HELB: variants seen among roughly 807,000 people sequenced by gnomAD.
HELB encodes the protein DNA 5'-3' helicase B.
A neutral mutation model predicts 101.7 loss-of-function variants in HELB; 96 were observed. That is an observed-to-expected ratio of 0.94 (90% CI 0.80 to 1.12). The LOEUF is 1.12. Among genes scored for constraint, HELB ranks in the 50% most tolerant of loss-of-function variants. HELB has a pLI of 0.00. For missense variants in HELB, 1,210 were observed against 1,291.9 expected, an observed-to-expected ratio of 0.94 and a Z score of 0.97; for synonymous variants, 437 against 459.7, an observed-to-expected ratio of 0.95 and a Z score of 0.63.
intron 11 of HELB, among the ~76,000 whole-genome samples, chr12:66,326,859 C>G (rs1324310216): frequency 1.3e-5 from 2 of 148,988 alleles, no homozygotes; most frequent in Non-Finnish European, 3.0e-5. Flanking sequence ...ATGGTAAAAC[C>G]CCATCTCTAC....
downstream of HELB, chr12:66,338,213 G>A: frequency 1.5e-6 from 1 of 685,090 alleles, no homozygotes; most frequent in South Asian, 1.6e-5. Flanking sequence ...GAGTTTTAAG[G>A]TATTTGTGTT....
chr12:66,341,814 A>T (rs1268088690), downstream of HELB: 1 of 152,164 alleles, frequency 6.6e-6, no homozygotes. Flanking sequence ...CTCCTGCCCC[A>T]ACCCCCTTCT....
chr12:66,319,781 C>T (rs1200700603), intron 7 of HELB, among the ~76,000 whole-genome samples: 2 of 151,960 alleles, frequency 1.3e-5, no homozygotes, highest in Admixed American at 6.6e-5. Context: ...TAGTGTGTGT[C>T]CCCAGTCTCA....
Position 66,309,821 on chromosome 12 carries a change from A to G in HELB, c.893A>G (p.Tyr298Cys). The G allele has an allele frequency of 1.2e-6, 2 of 1,614,152 alleles. No homozygotes were observed. The highest frequency in any genetic ancestry group is 1.1e-5 in the South Asian group (1 of 91,086). Residue 298 changes from tyrosine to cysteine, a missense_variant, in exon 4 of 13, where the codon TAT becomes TGT. By Grantham distance (194) the Tyr-to-Cys change is radical. This residue lies in a region of HELB where 470 missense variants were observed against 563.1 expected (regional missense o/e 0.83). Transcript: ENST00000247815. The part of the protein sequence containing the change: ...TDLEKNALIM[Y>C]SRLKQICRED... ...TTGGAGAAGAATGCATTAATAATGT[A>G]TTCCAGACTGAAGCAGATATGTAGA...
rs374113325 is a variant in HELB, at chr12:66,306,419, C to T, written c.682C>T (p.His228Tyr). The T allele has an allele frequency of 3.2e-5, 52 of 1,609,584 alleles. 1 individual carries two copies. The South Asian group carries it at 4.4e-4, about 14-fold the overall frequency. ...MEFLPVLLPR[H>Y]FKWIIGSGSK... ...ATTCCTTCCAGTTCTTCTGCCTCGACACTTTAAATGGATCATAGGGTCAGG... is the reference window on the plus strand; with the variant it reads ...ATTCCTTCCAGTTCTTCTGCCTCGATACTTTAAATGGATCATAGGGTCAGG... The change falls in exon 3 of 13, where the codon CAC becomes TAC. Residue 228 changes from histidine to tyrosine, a missense_variant. Physicochemically the swap from His to Tyr is moderately conservative, Grantham distance 83 (BLOSUM62 2). Around this residue, in one of 2 missense-constraint regions of HELB, gnomAD observed 470 missense variants for 563.1 expected, o/e 0.83. Transcript: ENST00000247815.
chr12:66,333,726 G>A (rs1441391686), intron 12 of HELB, among the ~76,000 whole-genome samples: 1 of 152,130 alleles, frequency 6.6e-6, no homozygotes, highest in African/African-American at 2.4e-5. Context: ...TGGCTAAGGT[G>A]GCTAGTGAGC....
intron 12 of HELB, among the ~76,000 whole-genome samples, chr12:66,335,115 C>T (rs1420048773): frequency 1.3e-5 from 2 of 152,094 alleles, no homozygotes; most frequent in South Asian, 2.1e-4. Flanking sequence ...GGAAATAAAG[C>T]GTTCTCTTGT....
In HELB at chr12:66,315,292, C is replaced by A; in HGVS notation, c.1909C>A (p.Leu637Ile). Reference sequence around the variant, plus strand: ...TGAACCTGGTAACTTGCTGAAAGATCTTTTTGAGACTCTTAAGTCAAGAAA... The same window carrying A: ...TGAACCTGGTAACTTGCTGAAAGATATTTTTGAGACTCTTAAGTCAAGAAA... ...SIEPGNLLKD[L>I]FETLKSRNCA... Residue 637 changes from leucine (L) to isoleucine (I), a missense_variant, in exon 6 of 13, where the codon CTT (leucine) becomes ATT (isoleucine). Physicochemically the swap from Leu to Ile is conservative, Grantham distance 5. This residue lies in a region of HELB where 740 missense variants were observed against 728.8 expected (regional missense o/e 1.02). Coordinates refer to ENST00000247815, the MANE Select transcript of HELB (RefSeq NM_001370285.1). 1.2e-6 allele frequency: 2 copies of A among 1,608,062 alleles called. No individual in the cohort carries two copies. Among genetic ancestry groups the A allele is most frequent in the African/African-American group, 1.3e-5 (1 of 74,656 alleles).
At position 66,315,275 on chromosome 12, in the gene HELB, G is replaced by A. The variant is rs144507658; in HGVS notation, c.1892G>A (p.Gly631Asp). The stretch of plus-strand genomic sequence containing the variant: ...AGACAGTTACCCAGTATTGAACCTG[G>A]TAACTTGCTGAAAGATCTTTTTGAG... ...DIRQLPSIEPGNLLKDLFETL... is the reference protein window; with the variant it reads ...DIRQLPSIEPDNLLKDLFETL... The change falls in exon 6 of 13, where the codon GGT (glycine) becomes GAT (aspartate). Residue 631 changes from glycine to aspartate, a missense_variant. Coordinates refer to ENST00000247815, the MANE Select transcript of HELB (RefSeq NM_001370285.1). 2.2e-4 allele frequency: 348 copies of A among 1,608,424 alleles called. 1 individual carries two copies. In the Middle Eastern group the frequency reaches 3.2e-3, roughly 15 times the overall value.
chr12:66,340,611 G>GT, downstream of HELB: 1 of 33,194 alleles, frequency 3.0e-5, no homozygotes, highest in Non-Finnish European at 4.7e-5. Flanking sequence ...TATATATGTG[G>GT]GGGGGGGGCG....
At chr12:66,327,393 A>G (rs2053754453) in intron 11 of HELB, among the ~76,000 whole-genome samples, 1 of 152,148 alleles carries the variant, frequency 6.6e-6, no homozygotes, top group Non-Finnish European at 1.5e-5. Flanking sequence ...TTAGACTTCC[A>G]GAAGTAGTTA....
chr12:66,323,712 GAC>G (rs2053700791), intron 9 of HELB, among the ~76,000 whole-genome samples: 1 of 152,184 alleles, frequency 6.6e-6, no homozygotes, highest in Non-Finnish European at 1.5e-5. Context: ...GGGAAAGAGA[GAC>G]ATCAGCATTT....
chr12:66,343,543 T>C (rs1338277678), exon 14 of HELB: 1 of 152,216 alleles, frequency 6.6e-6, no homozygotes, highest in Admixed American at 6.5e-5. Flanking sequence ...AGTGCTGGGA[T>C]TACAGGTGTG....
At position 66,310,377 on chromosome 12, in the gene HELB, A is replaced by G. The variant is rs1270347426; in HGVS notation, c.1449A>G (p.Thr483=). 6.2e-7 allele frequency: 1 copy of G among 1,614,124 alleles called. No homozygotes were observed. Among genetic ancestry groups the G allele is most frequent in the Non-Finnish European group, 8.5e-7 (1 of 1,180,054 alleles). ...GGAAAGGTGGATGTGGGAAGACCAC[A>G]ATCGTTAGCCGTCTTTTTAAGCATA... The part of the protein sequence containing the change: ...ISGKGGCGKT[T]IVSRLFKHIE... The change falls in exon 4 of 13, where the codon ACA becomes ACG. Residue 483 remains threonine (T), a synonymous_variant. Coordinates refer to ENST00000247815, the MANE Select transcript of HELB (RefSeq NM_001370285.1).
At position 66,305,089 on chromosome 12, in the gene HELB, A is replaced by G. The variant is rs145590612; in HGVS notation, c.546A>G (p.Thr182=). 3.9e-5 allele frequency: 62 copies of G among 1,606,082 alleles called. No homozygotes were observed. Among genetic ancestry groups the G allele is most frequent in the Admixed American group, 3.1e-4 (18 of 58,092 alleles). Residue 182 remains threonine (T), a synonymous_variant, in exon 2 of 13, where the codon ACA becomes ACG. Coordinates refer to ENST00000247815, the MANE Select transcript of HELB (RefSeq NM_001370285.1). ...ETGRKDQKQP[T]QNGQEELFLD... ...GAAGGAAAGATCAAAAGCAGCCTAC[A>G]CAGAATGGTCAGGAAGAGTTGTTCC...
chr12:66,331,663 A>G lies in HELB; in HGVS notation c.3162+18A>G. 3 of 1,574,792 alleles carry G rather than the reference A, an allele frequency of 1.9e-6. No individual in the cohort carries two copies. Among genetic ancestry groups the G allele is most frequent in the East Asian group, 2.2e-5 (1 of 44,664 alleles). On this transcript the variant is annotated intron_variant, in intron 12 of 12. Coordinates refer to ENST00000247815, the MANE Select transcript of HELB (RefSeq NM_001370285.1). ...TTTTTATGGTAGGAGTGATGTTTCCATGTTCCCAAGTTTTATTTAAATATC... is the reference window on the plus strand; with the variant it reads ...TTTTTATGGTAGGAGTGATGTTTCCGTGTTCCCAAGTTTTATTTAAATATC...
downstream of HELB, chr12:66,340,174 A>T (rs1008386092): frequency 6.6e-6 from 1 of 152,178 alleles, no homozygotes; most frequent in Non-Finnish European, 1.5e-5. Flanking sequence ...CTCTATGTTT[A>T]ACATTTTGAG....
chr12:66,321,675 C>G (rs1426192149), intron 7 of HELB: 1 of 333,148 alleles, frequency 3.0e-6, no homozygotes, highest in Non-Finnish European at 5.6e-6. Context: ...TCAGCAAATA[C>G]ACAGTGAGTC....
In HELB at chr12:66,305,155, G is replaced by C. The variant is rs763869985; in HGVS notation, c.607+5G>C. Reference sequence around the variant, plus strand: ...GTCTTCCTCTGGAAAACACAAGTAAGTGTGATTTTTATCATCAACTTTCAG... The same window carrying C: ...GTCTTCCTCTGGAAAACACAAGTAACTGTGATTTTTATCATCAACTTTCAG... On this transcript the variant is annotated splice_donor_5th_base_variant and intron_variant, in intron 2 of 12. Transcript: ENST00000247815. 1.4e-5 allele frequency: 21 copies of C among 1,510,006 alleles called. No individual in the cohort carries two copies. The highest frequency in any genetic ancestry group is 3.5e-4 in the Middle Eastern group (2 of 5,696). The allele number at this position is 1,510,006 out of a possible 1,614,324, so 93.5% of individuals were successfully genotyped here. A position where few individuals can be genotyped will look rare whatever the true frequency, so the allele number is the denominator to read the frequency against.
Sources: gnomAD v4.1 joint callset for allele counts (sites outside exome capture counted in the v4.1 genomes callset) on GRCh38, gnomAD v4.1.1 for gene constraint, gnomAD v4.1.1 regional missense constraint, MANE v1.5 for transcripts, NCBI Gene and HGNC (gene_info 2026-07-23, HGNC 2026-07-21) for gene names.